KIT: variants seen among roughly 807,000 people sequenced by gnomAD.
The protein encoded by KIT is KIT proto-oncogene, receptor tyrosine kinase.
A neutral mutation model predicts 105.7 loss-of-function variants in KIT; 16 were observed. The observed-to-expected ratio is 0.15, with a 90% CI of 0.10 to 0.23. The LOEUF (loss-of-function observed/expected upper bound fraction) is 0.23, where lower values mean the gene tolerates loss of function less well. KIT is among the 10% of genes least tolerant of loss of function. The pLI is 1.00. For missense variants in KIT, 858 were observed against 1,213.8 expected (o/e 0.71, Z 4.36); for synonymous variants, 438 against 441.1 (o/e 0.99, Z 0.09).
intron 1 of KIT, among the ~76,000 whole-genome samples, chr4:54,689,137 C>T (rs1185470961): frequency 6.6e-6 from 1 of 152,186 alleles, no homozygotes; most frequent in African/African-American, 2.4e-5. Flanking sequence ...AATGTTTGCC[C>T]ACATTTAATT....
chr4:54,662,192 G>T (rs982188809), intron 1 of KIT, among the ~76,000 whole-genome samples: 1 of 152,150 alleles, frequency 6.6e-6, no homozygotes, highest in Non-Finnish European at 1.5e-5. Context: ...CTGGGCCCTG[G>T]TGAGTGCAGG....
chr4:54,707,032 G>A, intron 5 of KIT, 66 bp from the exon 6 acceptor site: 6 of 869,024 alleles, frequency 6.9e-6, no homozygotes, highest in Non-Finnish European at 9.3e-6. Context: ...TCCAAGATGA[G>A]GTTCTGTTTT....
Position 54,738,766 on chromosome 4 carries a change from A to C in KIT, c.*209A>C. On this transcript the variant is annotated 3_prime_UTR_variant, in exon 21 of 21. Transcript: ENST00000288135. The stretch of plus-strand genomic sequence containing the variant: ...AAGGTTCCAACTGTATATATTCCCA[A>C]TAGCAACGTAGCTTCTACCATGAAC... The C allele has an allele frequency of 1.6e-6, 1 of 642,296 alleles. No individual in the cohort carries two copies. Among genetic ancestry groups the C allele is most frequent in the African/African-American group, 1.8e-5 (1 of 55,404 alleles). 39.8% of individuals were successfully genotyped at this position (642,296 alleles called of 1,614,324 possible). A position where few individuals can be genotyped will look rare whatever the true frequency, so the allele number is the denominator to read the frequency against.
In KIT at chr4:54,724,487, A is replaced by G. The variant is rs1722094133; in HGVS notation, c.1346+789A>G. On this transcript the variant is annotated intron_variant, in intron 8 of 20. Transcript: ENST00000288135. Reference sequence around the variant, plus strand: ...AGAGTGTTTTCTTTTGGGGAATACTAAGTAGGGTTCAAGGCCCCTGGGAGG... The same window carrying G: ...AGAGTGTTTTCTTTTGGGGAATACTGAGTAGGGTTCAAGGCCCCTGGGAGG... Among the ~76,000 whole-genome samples the G allele has an allele frequency of 2.6e-5, 4 of 152,158 alleles. No individual in the cohort carries two copies. The South Asian group carries it at 8.3e-4, about 32-fold the overall frequency.
At chr4:54,680,543 C>T (rs1290215136) in intron 1 of KIT, among the ~76,000 whole-genome samples, 1 of 151,936 alleles carries the variant, frequency 6.6e-6, no homozygotes, top group Non-Finnish European at 1.5e-5. Context: ...AGGCGCCCGC[C>T]ACCACGCCCG....
chr4:54,719,308 C>T (rs1721703521), intron 7 of KIT, among the ~76,000 whole-genome samples: 1 of 152,166 alleles, frequency 6.6e-6, no homozygotes, highest in Non-Finnish European at 1.5e-5. Context: ...CAGCCACCAG[C>T]CCTCAGCTTT....
chr4:54,684,776 C>G (rs1577936950), intron 1 of KIT, among the ~76,000 whole-genome samples: 1 of 152,224 alleles, frequency 6.6e-6, no homozygotes, highest in East Asian at 1.9e-4. Context: ...TACCAGTTGC[C>G]AGGCCCTGCA....
chr4:54,698,256 A>G lies in KIT; in HGVS notation c.338-28A>G, dbSNP rs747735836. ...TCAGTGTCTGTGACCAGCCATTCCA[A>G]CTACTGATTTTGGATATGCTTCTAT... On this transcript the variant is annotated intron_variant, in intron 2 of 20. Transcript: ENST00000288135. The G allele has an allele frequency of 3.1e-6, 5 of 1,607,486 alleles. No homozygotes were observed. In the South Asian group the frequency reaches 3.3e-5, roughly 11 times the overall value.
intron 1 of KIT, among the ~76,000 whole-genome samples, chr4:54,679,164 C>T (rs966738807): frequency 1.3e-5 from 2 of 152,188 alleles, no homozygotes; most frequent in African/African-American, 2.4e-5. Flanking sequence ...AACACATGCA[C>T]TGCCTTCCTG....
At chr4:54,694,298 G>T (rs1719907026) in intron 1 of KIT, among the ~76,000 whole-genome samples, 1 of 151,984 alleles carries the variant, frequency 6.6e-6, no homozygotes, top group African/African-American at 2.4e-5. Flanking sequence ...CCCACCTCTT[G>T]CTTTTTCTTC....
At position 54,739,444 on chromosome 4, in the gene KIT, A is replaced by G. The variant is rs1372074411; in HGVS notation, c.*887A>G. ...ATCTCCTCTTTTAGCTGATGAACTT[A>G]TTCTGTAGATTCTGTGGAACAAGCC... On this transcript the variant is annotated 3_prime_UTR_variant, in exon 21 of 21. Coordinates refer to ENST00000288135, the MANE Select transcript of KIT (RefSeq NM_000222.3). The G allele has an allele frequency of 8.6e-6, 2 of 233,448 alleles. No homozygotes were observed. Among genetic ancestry groups the G allele is most frequent in the Non-Finnish European group, 1.7e-5 (2 of 117,872 alleles). The allele number at this position is 233,448 out of a possible 1,614,324, so 14.5% of individuals were successfully genotyped here.
intron 7 of KIT, among the ~76,000 whole-genome samples, chr4:54,713,685 C>T (rs954221797): frequency 2.0e-5 from 3 of 152,062 alleles, no homozygotes; most frequent in Admixed American, 6.5e-5. Flanking sequence ...AAATATTTGG[C>T]GGTTGAAAAA....
At chr4:54,722,847 ATATATTTTTATATATATG>A (rs1721968545) in intron 7 of KIT, among the ~76,000 whole-genome samples, 1 of 136,724 alleles carries the variant, frequency 7.3e-6, no homozygotes, top group Admixed American at 7.1e-5. Flanking sequence ...ATATATTTAT[ATATATTTTTATATATATG>A]TATATATATT....
chr4:54,670,101 G>A (rs2109565727), intron 1 of KIT, among the ~76,000 whole-genome samples: 1 of 152,282 alleles, frequency 6.6e-6, no homozygotes, highest in East Asian at 1.9e-4. Context: ...CAAGAGGATT[G>A]ACTAGTGATA....
intron 4 of KIT, 45 bp from the exon 5 acceptor site, chr4:54,703,679 A>G (rs1427040862): frequency 8.1e-6 from 12 of 1,489,282 alleles, no homozygotes; most frequent in Non-Finnish European, 1.1e-5. Context: ...AATATAAATT[A>G]TATGGTAATC....
intron 1 of KIT, among the ~76,000 whole-genome samples, chr4:54,676,723 C>T (rs1198843798): frequency 6.6e-6 from 1 of 152,196 alleles, no homozygotes; most frequent in Admixed American, 6.5e-5. Context: ...TTCAAGCCTC[C>T]AGTATCTCCT....
chr4:54,724,143 G>A (rs73818393), intron 8 of KIT, among the ~76,000 whole-genome samples: 265 of 152,270 alleles, frequency 1.7e-3, no homozygotes, highest in African/African-American at 5.9e-3. Flanking sequence ...GCAAGCGACC[G>A]CTTTTAAAAA....
At chr4:54,702,111 A>C (rs1339306493) in intron 4 of KIT, among the ~76,000 whole-genome samples, 1 of 152,192 alleles carries the variant, frequency 6.6e-6, no homozygotes, top group African/African-American at 2.4e-5. Flanking sequence ...CAGCTTCAGC[A>C]GTCAACTTTT....
At chr4:54,682,950 C>A (rs1719054376) in intron 1 of KIT, among the ~76,000 whole-genome samples, 1 of 151,824 alleles carries the variant, frequency 6.6e-6, no homozygotes, top group Non-Finnish European at 1.5e-5. Flanking sequence ...CGGGGTTTCA[C>A]CATATTGACC....
Sources: gnomAD v4.1 joint callset for allele counts (sites outside exome capture counted in the v4.1 genomes callset) on GRCh38, gnomAD v4.1.1 for gene constraint, MANE v1.5 for transcripts, NCBI Gene and HGNC (gene_info 2026-07-23, HGNC 2026-07-21) for gene names.